The following NOS1AP variants were observed in gnomAD, a reference collection of about 807,000 sequenced individuals.
NOS1AP encodes nitric oxide synthase 1 adaptor protein, also known as carboxyl-terminal PDZ ligand of neuronal nitric oxide synthase protein.
A neutral mutation model predicts 56.2 loss-of-function variants in NOS1AP; 21 were observed. The ratio of observed to expected loss-of-function variants is 0.37; its 90% confidence interval spans 0.26 to 0.54. The LOEUF (loss-of-function observed/expected upper bound fraction) is 0.54, where lower values mean the gene tolerates loss of function less well. Ranked by LOEUF, NOS1AP falls within the 20% of genes least tolerant of loss-of-function variation. The pLI is 0.84. For missense variants in NOS1AP, 522 were observed against 657.8 expected (o/e 0.79, Z 2.26); for synonymous variants, 270 against 274.6 (o/e 0.98, Z 0.17).
intron 2 of NOS1AP, among the ~76,000 whole-genome samples, chr1:162,242,987 A>G (rs1289459118): frequency 7.0e-6 from 1 of 142,312 alleles, no homozygotes; most frequent in Non-Finnish European, 1.5e-5. Flanking sequence ...CTATATACGC[A>G]TACCCATGTA....
At chr1:162,341,852 C>T (rs1657118653) in intron 5 of NOS1AP, among the ~76,000 whole-genome samples, 1 of 152,198 alleles carries the variant, frequency 6.6e-6, no homozygotes, top group Non-Finnish European at 1.5e-5. Context: ...CACAGCACAG[C>T]TTGGTGGCTA....
chr1:162,333,166 T>C, intron 5 of NOS1AP, 41 bp downstream of exon 5: 1 of 1,414,264 alleles, frequency 7.1e-7, no homozygotes, highest in Non-Finnish European at 1.0e-6. Context: ...TTTCCTCTAA[T>C]GGTTCCAAAG....
chr1:162,351,195 A>T (rs1300192334), intron 6 of NOS1AP, among the ~76,000 whole-genome samples: 2 of 152,194 alleles, frequency 1.3e-5, no homozygotes, highest in Non-Finnish European at 2.9e-5. Context: ...CAGCCCATAC[A>T]CATAAAACTA....
At chr1:162,094,236 G>T (rs938387800) in intron 1 of NOS1AP, among the ~76,000 whole-genome samples, 1 of 152,202 alleles carries the variant, frequency 6.6e-6, no homozygotes, top group Non-Finnish European at 1.5e-5. Context: ...TTTGTTGTGT[G>T]CTGGAGTGGT....
Position 162,365,262 on chromosome 1 carries a change from C to T in NOS1AP, c.940-142C>T, listed in dbSNP as rs905721. On this transcript the variant is annotated intron_variant, in intron 8 of 9. Coordinates refer to ENST00000361897, the MANE Select transcript of NOS1AP (RefSeq NM_014697.3). ...CTCTGGAATGATAAGCCCAGATGCC[C>T]ATGCTGCCCGTGAAGGGCTTCTTCT... 0.36 allele frequency: 540,531 copies of T among 1,507,558 alleles called. 100,849 individuals carry two copies. The highest frequency in any genetic ancestry group is 0.51 in the East Asian group (21,069 of 41,506). 93.4% of individuals were successfully genotyped at this position (1,507,558 alleles called of 1,614,324 possible). A position where few individuals can be genotyped will look rare whatever the true frequency, so the allele number is the denominator to read the frequency against.
intron 2 of NOS1AP, among the ~76,000 whole-genome samples, chr1:162,272,576 G>A (rs998559736): frequency 1.3e-5 from 2 of 152,206 alleles, no homozygotes; most frequent in African/African-American, 4.8e-5. Context: ...ACTGGTGATC[G>A]CCTGATGATT....
intron 2 of NOS1AP, among the ~76,000 whole-genome samples, chr1:162,199,020 T>C (rs764606972): frequency 6.6e-6 from 1 of 152,190 alleles, no homozygotes; most frequent in Non-Finnish European, 1.5e-5. Context: ...TATGGGTTGA[T>C]TGATTAAATA....
chr1:162,189,068 T>A (rs1001289821), intron 2 of NOS1AP, among the ~76,000 whole-genome samples: 9 of 152,196 alleles, frequency 5.9e-5, no homozygotes, highest in Middle Eastern at 6.8e-3. Context: ...AAAAAATAAA[T>A]AAATAAATAA....
intron 6 of NOS1AP, among the ~76,000 whole-genome samples, chr1:162,350,408 C>G (rs983755221): frequency 1.3e-5 from 2 of 152,138 alleles, no homozygotes; most frequent in African/African-American, 4.8e-5. Context: ...GGAGTTTTGT[C>G]TTTTGTATCA....
rs368353952 is a variant in NOS1AP at position 162,352,209 on chromosome 1, A to G, written c.596-2978A>G. Among the ~76,000 whole-genome samples the G allele has an allele frequency of 4.1e-4, 63 of 152,060 alleles. 1 individual carries two copies. The highest frequency in any genetic ancestry group is 1.7e-3 in the East Asian group (9 of 5,166). On this transcript the variant is annotated intron_variant, in intron 6 of 9. Coordinates refer to ENST00000361897, the MANE Select transcript of NOS1AP (RefSeq NM_014697.3). ...CAAGCAGCTGGGATTACAGGCATGT[A>G]CCACCATGCCCAGCTAATTTTTGTA...
chr1:162,354,547 G>A (rs1657629695), intron 6 of NOS1AP, among the ~76,000 whole-genome samples: 1 of 152,172 alleles, frequency 6.6e-6, no homozygotes, highest in Admixed American at 6.5e-5. Context: ...TGGAAAAGCA[G>A]CCACCCCATC....
intron 2 of NOS1AP, among the ~76,000 whole-genome samples, chr1:162,201,720 C>G (rs1233972286): frequency 1.3e-5 from 2 of 152,030 alleles, no homozygotes; most frequent in Non-Finnish European, 2.9e-5. Context: ...TTTTCTTTTT[C>G]CATATGTTTG....
chr1:162,347,736 T>C (rs893776841), intron 6 of NOS1AP, among the ~76,000 whole-genome samples: 1 of 152,192 alleles, frequency 6.6e-6, no homozygotes, highest in Non-Finnish European at 1.5e-5. Flanking sequence ...TCCATAAGGA[T>C]CACTTCCTAT....
chr1:162,211,097 G>A (rs958179050), intron 2 of NOS1AP, among the ~76,000 whole-genome samples: 1 of 152,240 alleles, frequency 6.6e-6, no homozygotes, highest in African/African-American at 2.4e-5. Flanking sequence ...TGTGAGACAG[G>A]CTCATCTTGG....
chr1:162,283,649 A>G (rs1344974165), intron 2 of NOS1AP, among the ~76,000 whole-genome samples: 1 of 152,138 alleles, frequency 6.6e-6, no homozygotes, highest in African/African-American at 2.4e-5. Context: ...CTGGCACGGC[A>G]CATTAAGTTC....
chr1:162,325,670 T>C (rs1052869343), intron 4 of NOS1AP, among the ~76,000 whole-genome samples: 1 of 152,106 alleles, frequency 6.6e-6, no homozygotes, highest in African/African-American at 2.4e-5. Context: ...AGCAGGTTGA[T>C]TCTGTTTTCC....
chr1:162,299,194 G>A (rs1655564324), intron 3 of NOS1AP, among the ~76,000 whole-genome samples: 1 of 152,130 alleles, frequency 6.6e-6, no homozygotes. Flanking sequence ...TGCTCATTAT[G>A]AGGTCATTAA....
chr1:162,110,706 C>T (rs1357246274), intron 1 of NOS1AP, among the ~76,000 whole-genome samples: 3 of 152,210 alleles, frequency 2.0e-5, no homozygotes, highest in Admixed American at 6.5e-5. Flanking sequence ...TTAGTACTCA[C>T]TGTGTGACAG....
intron 2 of NOS1AP, among the ~76,000 whole-genome samples, chr1:162,178,980 T>C (rs1225229414): frequency 6.6e-6 from 1 of 151,976 alleles, no homozygotes; most frequent in Non-Finnish European, 1.5e-5. Context: ...GTTTGTGGGG[T>C]TTTTTGGTGG....
Sources: allele counts gnomAD v4.1 joint callset (sites outside exome capture counted in the v4.1 genomes callset), GRCh38; gene constraint gnomAD v4.1.1; transcripts MANE v1.5; gene names NCBI Gene and HGNC (gene_info 2026-07-23, HGNC 2026-07-21).